Variants in FRAS1 observed in about 807,000 individuals in gnomAD.
FRAS1 encodes the protein extracellular matrix organizing protein FRAS1.
A neutral mutation model predicts 435.2 loss-of-function variants in FRAS1; 290 were observed. That is an observed-to-expected ratio of 0.67 (90% CI 0.61 to 0.73). The LOEUF (loss-of-function observed/expected upper bound fraction) is 0.73, where lower values mean the gene tolerates loss of function less well. Among genes scored for constraint, FRAS1 ranks in the 30% least tolerant of loss-of-function variants. FRAS1 has a pLI of 0.00. For synonymous variants in FRAS1, 1,800 were observed against 1,851.0 expected, an observed-to-expected ratio of 0.97 and a Z score of 0.71; for missense variants, 4,860 against 5,001.5, an observed-to-expected ratio of 0.97 and a Z score of 0.85.
intron 62 of FRAS1, among the ~76,000 whole-genome samples, chr4:78,507,903 A>G (rs190385102): frequency 5.1e-4 from 77 of 152,326 alleles, no homozygotes; most frequent in Non-Finnish European, 9.6e-4. Flanking sequence ...ATTATTTGGC[A>G]CAAATGTCAA....
chr4:78,308,498 A>G (rs1317921752), intron 15 of FRAS1, among the ~76,000 whole-genome samples: 1 of 152,208 alleles, frequency 6.6e-6, no homozygotes, highest in Non-Finnish European at 1.5e-5. Flanking sequence ...CTGGAGGGAA[A>G]GGAGCTGGGC....
At chr4:78,304,271 A>T (rs1052494158) in intron 14 of FRAS1, among the ~76,000 whole-genome samples, 2 of 152,168 alleles carry the variant, frequency 1.3e-5, no homozygotes, top group Non-Finnish European at 2.9e-5. Flanking sequence ...TATTTTATTG[A>T]GTATTTTTGC....
chr4:78,290,503 C>G (rs1286137660), intron 14 of FRAS1, among the ~76,000 whole-genome samples: 2 of 151,054 alleles, frequency 1.3e-5, no homozygotes, highest in East Asian at 3.9e-4. Context: ...GTCATCCAGG[C>G]TGGAGTACAG....
At chr4:78,100,742 A>C (rs1052317490) in intron 2 of FRAS1, among the ~76,000 whole-genome samples, 3 of 152,150 alleles carry the variant, frequency 2.0e-5, no homozygotes, top group African/African-American at 7.2e-5. Flanking sequence ...GGTGTTTTAC[A>C]TATGTGTGTG....
In FRAS1 at chr4:78,220,222, G is replaced by A. The variant is rs17003053; in HGVS notation, c.109-17288G>A. Among the ~76,000 whole-genome samples, 1,141 of 152,256 alleles carry A rather than the reference G, an allele frequency of 7.5e-3. 28 individuals carry two copies. Among genetic ancestry groups the A allele is most frequent in the Admixed American group, 0.048 (728 of 15,298 alleles). ...CTTTTTCTGATGCAGTAGATTAGAC[G>A]TTCATGGACTATAGCTTGTGGGCCA... is the stretch of plus-strand genomic sequence containing the variant. On this transcript the variant is annotated intron_variant, in intron 2 of 73. Transcript: ENST00000512123.
rs1044432278 is a variant in FRAS1, at chr4:78,543,463, A to G, written c.*2339A>G. The G allele has an allele frequency of 2.6e-5, 4 of 152,234 alleles. No individual in the cohort carries two copies. Among genetic ancestry groups the G allele is most frequent in the Admixed American group, 1.3e-4 (2 of 15,276 alleles). The allele number at this position is 152,234 out of a possible 1,614,324, so 9.4% of individuals were successfully genotyped here. On this transcript the variant is annotated 3_prime_UTR_variant, in exon 74 of 74. Coordinates refer to ENST00000512123, the MANE Select transcript of FRAS1 (RefSeq NM_025074.7). ...AATGAAGCTAGAGTGGGAAGGACTA[A>G]AGACTGAGCCCCAGAGTGCTCCCAG... is the stretch of plus-strand genomic sequence containing the variant.
At chr4:78,370,381 G>T (rs11098160) in intron 23 of FRAS1, among the ~76,000 whole-genome samples, 95,712 of 151,998 alleles carry the variant, frequency 0.63, 30,270 homozygotes, top group Non-Finnish European at 0.66. Context: ...AGTGTTGTTG[G>T]TTTTTTCTTA....
chr4:78,110,418 A>G (rs2109935848), intron 2 of FRAS1, among the ~76,000 whole-genome samples: 1 of 115,376 alleles, frequency 8.7e-6, no homozygotes, highest in Non-Finnish European at 1.8e-5. Flanking sequence ...GATCAATGGA[A>G]CAGAACAGAG....
intron 34 of FRAS1, 106 bp from the exon 35 acceptor site, chr4:78,424,282 A>C: frequency 1.9e-6 from 1 of 537,292 alleles, no homozygotes; most frequent in Non-Finnish European, 3.3e-6. Flanking sequence ...AATTTAGATT[A>C]AAACATTCTT....
intron 2 of FRAS1, among the ~76,000 whole-genome samples, chr4:78,087,822 A>C (rs1455946348): frequency 1.3e-5 from 2 of 152,230 alleles, no homozygotes; most frequent in Admixed American, 6.5e-5. Context: ...GGTAGGAAGA[A>C]TCAATATTGT....
chr4:78,084,546 T>C (rs1238933062), intron 2 of FRAS1, among the ~76,000 whole-genome samples: 1 of 152,142 alleles, frequency 6.6e-6, no homozygotes, highest in African/African-American at 2.4e-5. Flanking sequence ...AATTAGTTGC[T>C]GGTAATATTC....
In FRAS1 at chr4:78,266,941, T is replaced by G; in HGVS notation, c.789+6T>G. The stretch of plus-strand genomic sequence containing the variant: ...TGCCCCTGAGATGCGGAAAGGTATT[T>G]GAGAGTGTGTACCTTACTTGTTTAA... On this transcript the variant is annotated splice_donor_region_variant and intron_variant, in intron 8 of 73. Transcript: ENST00000512123. 6.4e-7 allele frequency: 1 copy of G among 1,573,910 alleles called. No homozygotes were observed. Among genetic ancestry groups the G allele is most frequent in the Non-Finnish European group, 8.7e-7 (1 of 1,150,754 alleles).
chr4:78,078,371 C>T (rs910416496), intron 2 of FRAS1, among the ~76,000 whole-genome samples: 17 of 152,020 alleles, frequency 1.1e-4, no homozygotes, highest in African/African-American at 4.1e-4. Context: ...ACCACATTGC[C>T]CTTTGGGGAA....
In FRAS1 at chr4:78,431,470, A is replaced by G. The variant is rs76979162; in HGVS notation, c.4970-887A>G. 1.1e-3 allele frequency among the ~76,000 whole-genome samples: 162 copies of G among 152,344 alleles called. 5 individuals carry two copies. In the East Asian group the frequency reaches 0.029, roughly 27 times the overall value. On this transcript the variant is annotated intron_variant, in intron 37 of 73. Transcript: ENST00000512123. Reference sequence around the variant, plus strand: ...GAGCACCAGTAAAATACATTAACACAGTGTTGAGACAGAAGGCTTAGAAGA... The same window carrying G: ...GAGCACCAGTAAAATACATTAACACGGTGTTGAGACAGAAGGCTTAGAAGA...
chr4:78,470,976 C>T (rs1398922205), intron 51 of FRAS1, among the ~76,000 whole-genome samples: 1 of 152,148 alleles, frequency 6.6e-6, no homozygotes, highest in African/African-American at 2.4e-5. Context: ...TCTAGCTGGG[C>T]AGGCAGAGGC....
intron 9 of FRAS1, among the ~76,000 whole-genome samples, chr4:78,272,629 C>T (rs34887724): frequency 0.33 from 50,680 of 151,466 alleles, 8,423 homozygotes; most frequent in Admixed American, 0.39. Context: ...TGTAGATATG[C>T]GGCATTATTT....
chr4:78,189,571 T>C, intron 2 of FRAS1, among the ~76,000 whole-genome samples: 1 of 152,226 alleles, frequency 6.6e-6, no homozygotes. Flanking sequence ...TAAAAGTTGA[T>C]GTGTCCCAAA....
intron 57 of FRAS1, 73 bp from the exon 58 acceptor site, chr4:78,482,315 C>T (rs1720034495): frequency 4.5e-6 from 7 of 1,557,044 alleles, no homozygotes; most frequent in Non-Finnish European, 6.2e-6. Flanking sequence ...AAGTTGTGAC[C>T]TTTGCCCTAG....
chr4:78,483,768 C>CTATATATATATATATA (rs1491536432), intron 58 of FRAS1, among the ~76,000 whole-genome samples: 19 of 6,510 alleles, frequency 2.9e-3, no homozygotes, highest in African/African-American at 5.0e-3. Flanking sequence ...AAAAAAAAAA[C>CTATATATATATATATA]TCTCTCTCTC....
Sources: gnomAD v4.1 joint callset for allele counts (sites outside exome capture counted in the v4.1 genomes callset) on GRCh38, gnomAD v4.1.1 for gene constraint, MANE v1.5 for transcripts, NCBI Gene and HGNC (gene_info 2026-07-23, HGNC 2026-07-21) for gene names.